ACADSB: variants seen among roughly 807,000 people sequenced by gnomAD.
ACADSB encodes acyl-CoA dehydrogenase short/branched chain, also known as short/branched chain specific acyl-CoA dehydrogenase, mitochondrial.
ACADSB carries 40 observed loss-of-function variants against 54.1 expected under a neutral mutation model. The observed-to-expected ratio is 0.74, with a 90% confidence interval of 0.57 to 0.96. The LOEUF is 0.96. Ranked by LOEUF, ACADSB falls within the 40% of genes least tolerant of loss-of-function variation. ACADSB has a pLI of 0.00. For missense variants in ACADSB, 530 were observed against 510.4 expected, an observed-to-expected ratio of 1.04 and a Z score of -0.37; for synonymous variants, 182 against 182.8, an observed-to-expected ratio of 1.00 and a Z score of 0.03.
At chr10:123,038,332 A>G (rs1440775811) in intron 3 of ACADSB, among the ~76,000 whole-genome samples, 1 of 152,246 alleles carries the variant, frequency 6.6e-6, no homozygotes, top group Non-Finnish European at 1.5e-5. Flanking sequence ...TTTATATTCT[A>G]CCTGAAGCTC....
chr10:123,021,833 G>T (rs1172438421), intron 1 of ACADSB, among the ~76,000 whole-genome samples: 2 of 152,136 alleles, frequency 1.3e-5, no homozygotes, highest in Non-Finnish European at 2.9e-5. Flanking sequence ...TTTAATTCTT[G>T]GGGTTCTGAG....
chr10:123,035,960 T>G (rs1850393066), intron 2 of ACADSB, among the ~76,000 whole-genome samples: 1 of 152,258 alleles, frequency 6.6e-6, no homozygotes, highest in Admixed American at 6.5e-5. Context: ...ATTTGGAAGC[T>G]TAATTGTAAA....
At chr10:123,029,791 A>G (rs1850303292) in intron 1 of ACADSB, among the ~76,000 whole-genome samples, 1 of 152,216 alleles carries the variant, frequency 6.6e-6, no homozygotes, top group Non-Finnish European at 1.5e-5. Flanking sequence ...CTGAGGTAAA[A>G]TTGCTGGGCC....
intron 2 of ACADSB, 96 bp from the exon 3 acceptor site, chr10:123,037,651 A>G: frequency 1.2e-6 from 1 of 815,964 alleles, no homozygotes; most frequent in Non-Finnish European, 2.1e-6. Context: ...GTACCTGTGT[A>G]TATTTTAACT....
chr10:123,044,356 A>C, intron 6 of ACADSB, 37 bp from the exon 7 acceptor site: 1 of 1,504,020 alleles, frequency 6.6e-7, no homozygotes, highest in South Asian at 1.1e-5. Context: ...ATCATGGAAA[A>C]TGAAACTGAG....
chr10:123,042,245 C>T (rs1177412774), intron 5 of ACADSB, among the ~76,000 whole-genome samples: 1 of 151,868 alleles, frequency 6.6e-6, no homozygotes, highest in Non-Finnish European at 1.5e-5. Context: ...GGATTATAGG[C>T]GTGAACCACT....
chr10:123,051,221 T>G lies in ACADSB; in HGVS notation c.1128+35T>G, dbSNP rs199895628. On this transcript the variant is annotated intron_variant, in intron 9 of 10. Coordinates refer to ENST00000358776, the MANE Select transcript of ACADSB (RefSeq NM_001609.4). ...AAAAAAAAAAAAAAAAAGGAAAAAG[T>G]AATTCAGCCTTTTTTTTTTCAGATA... The G allele has an allele frequency of 6.3e-4, 809 of 1,280,500 alleles. 3 individuals are homozygous for G. In the African/African-American group the frequency reaches 0.016, roughly 25 times the overall value. The allele number at this position is 1,280,500 out of a possible 1,614,324, so 79.3% of individuals were successfully genotyped here. A position where few individuals can be genotyped will look rare whatever the true frequency, so the allele number is the denominator to read the frequency against.
chr10:123,010,827 A>G (rs980749612), intron 1 of ACADSB, among the ~76,000 whole-genome samples: 2 of 152,244 alleles, frequency 1.3e-5, no homozygotes, highest in Non-Finnish European at 2.9e-5. Context: ...TTTAGAGGAA[A>G]GGTTAGAACT....
chr10:123,034,624 C>T (rs537460318), intron 2 of ACADSB, 109 bp downstream of exon 2: 58 of 1,206,896 alleles, frequency 4.8e-5, no homozygotes, highest in Middle Eastern at 2.7e-4. Flanking sequence ...AGCTATCCTG[C>T]TTCAGCCTCC....
chr10:123,013,834 C>G (rs1431205764), intron 1 of ACADSB, among the ~76,000 whole-genome samples: 1 of 152,216 alleles, frequency 6.6e-6, no homozygotes, highest in South Asian at 2.1e-4. Flanking sequence ...ACCCGGAACT[C>G]TAGCTGGCCC....
intron 3 of ACADSB, among the ~76,000 whole-genome samples, chr10:123,039,484 G>A (rs888878339): frequency 2.6e-5 from 4 of 152,204 alleles, no homozygotes; most frequent in Non-Finnish European, 5.9e-5. Context: ...ATGGAACTGG[G>A]TCGTTGGAAA....
In ACADSB at chr10:123,055,878, G is replaced by A. The variant is rs7922412; in HGVS notation, c.*2113G>A. On this transcript the variant is annotated 3_prime_UTR_variant, in exon 11 of 11. Transcript: ENST00000358776. ...AGTTCCACAAATCTCTAAGGCAAGG[G>A]AAAGATGCTGCCAGTCTCTTTGCTA... 0.1 allele frequency: 15,687 copies of A among 152,230 alleles called. 893 individuals are homozygous for A. Among genetic ancestry groups the A allele is most frequent in the African/African-American group, 0.16 (6,632 of 41,528 alleles). 9.4% of individuals were successfully genotyped at this position (152,230 alleles called of 1,614,324 possible).
chr10:123,018,925 A>G (rs962601683), intron 1 of ACADSB, among the ~76,000 whole-genome samples: 2 of 152,200 alleles, frequency 1.3e-5, no homozygotes, highest in Admixed American at 6.5e-5. Flanking sequence ...GGGAGCTACA[A>G]TTCAAGATGA....
At chr10:123,046,015 A>T (rs538573523) in intron 7 of ACADSB, among the ~76,000 whole-genome samples, 34 of 152,322 alleles carry the variant, frequency 2.2e-4, no homozygotes, top group South Asian at 1.4e-3. Context: ...CATTTTACTG[A>T]GGTAGAAAAG....
chr10:123,028,058 C>A (rs1589735984), intron 1 of ACADSB, among the ~76,000 whole-genome samples: 1 of 152,156 alleles, frequency 6.6e-6, no homozygotes, highest in East Asian at 1.9e-4. Context: ...TTTGTGGTTG[C>A]ATGCTTGATT....
intron 8 of ACADSB, among the ~76,000 whole-genome samples, chr10:123,048,652 A>G (rs149031964): frequency 6.6e-6 from 1 of 152,190 alleles, no homozygotes; most frequent in South Asian, 2.1e-4. Flanking sequence ...TCATAATGAC[A>G]TCTTTAGAGA....
chr10:123,009,149 A>C (rs1332723896), intron 1 of ACADSB, 78 bp downstream of exon 1: 1 of 1,474,066 alleles, frequency 6.8e-7, no homozygotes, highest in East Asian at 2.5e-5. Flanking sequence ...AGAGCCTTCT[A>C]ACGGGCCTCG....
In ACADSB at chr10:123,044,945, G is replaced by A. The variant is rs974163056; in HGVS notation, c.900+460G>A. On this transcript the variant is annotated intron_variant, in intron 7 of 10. Coordinates refer to ENST00000358776, the MANE Select transcript of ACADSB (RefSeq NM_001609.4). ...GTGAAAACTGGGCAAGTTTTTTGGCGGCACATGAAATAAAATAGCCACAGT... is the reference window on the plus strand; with the variant it reads ...GTGAAAACTGGGCAAGTTTTTTGGCAGCACATGAAATAAAATAGCCACAGT... 5.9e-5 allele frequency among the ~76,000 whole-genome samples: 9 copies of A among 151,276 alleles called. No homozygotes were observed. In the South Asian group the frequency reaches 6.3e-4, roughly 11 times the overall value.
intron 1 of ACADSB, among the ~76,000 whole-genome samples, chr10:123,030,254 G>A (rs950687380): frequency 1.1e-4 from 17 of 152,088 alleles, no homozygotes; most frequent in African/African-American, 3.9e-4. Flanking sequence ...AGCTGGGCAC[G>A]GTGGCTCACG....
Sources: allele counts gnomAD v4.1 joint callset (sites outside exome capture counted in the v4.1 genomes callset), GRCh38; gene constraint gnomAD v4.1.1; transcripts MANE v1.5; gene names NCBI Gene and HGNC (gene_info 2026-07-23, HGNC 2026-07-21).